The following SHROOM3 variants were observed in gnomAD, a reference collection of about 807,000 sequenced individuals.
SHROOM3 encodes the protein protein Shroom3.
In SHROOM3, 47 loss-of-function variants were observed where a neutral mutation model predicts 138.6. The ratio of observed to expected loss-of-function variants is 0.34; its 90% CI spans 0.27 to 0.43. SHROOM3 has a LOEUF of 0.43. Ranked by LOEUF, SHROOM3 falls within the 20% of genes least tolerant of loss-of-function variation. The pLI, the probability that SHROOM3 is intolerant of heterozygous loss-of-function variation, is 1.00. For missense variants in SHROOM3, 2,491 were observed against 2,596.5 expected (o/e 0.96, Z 0.88); for synonymous variants, 1,062 against 1,063.3 (o/e 1.00, Z 0.02).
chr4:76,558,836 G>A (rs1190320288), intron 2 of SHROOM3, among the ~76,000 whole-genome samples: 4 of 152,174 alleles, frequency 2.6e-5, no homozygotes, highest in Admixed American at 1.3e-4. Context: ...GAATAGTTCT[G>A]TAGGCACCAG....
intron 1 of SHROOM3, among the ~76,000 whole-genome samples, chr4:76,502,057 G>A (rs1267422189): frequency 6.6e-6 from 1 of 152,040 alleles, no homozygotes; most frequent in Non-Finnish European, 1.5e-5. Context: ...TCCATTGATG[G>A]ATTAATGGGT....
chr4:76,580,952 T>G (rs1292351987), intron 2 of SHROOM3, among the ~76,000 whole-genome samples: 1 of 152,214 alleles, frequency 6.6e-6, no homozygotes, highest in African/African-American at 2.4e-5. Context: ...TTTATTATAC[T>G]TTAAGTTTTA....
At chr4:76,613,475 A>G (rs900508698) in intron 2 of SHROOM3, among the ~76,000 whole-genome samples, 1 of 152,234 alleles carries the variant, frequency 6.6e-6, no homozygotes, top group Non-Finnish European at 1.5e-5. Flanking sequence ...AAAGGAGTCA[A>G]GTACCAACAG....
At chr4:76,692,515 A>G (rs1719585252) in intron 2 of SHROOM3, among the ~76,000 whole-genome samples, 1 of 152,204 alleles carries the variant, frequency 6.6e-6, no homozygotes, top group Non-Finnish European at 1.5e-5. Flanking sequence ...ACGCCTAGGT[A>G]TTTACCCAAG....
chr4:76,689,362 C>G (rs1719434414), intron 2 of SHROOM3, among the ~76,000 whole-genome samples: 1 of 103,844 alleles, frequency 9.6e-6, no homozygotes, highest in Non-Finnish European at 2.3e-5. Context: ...GAGCGAGCGC[C>G]GAGCCAGCGC....
At chr4:76,634,498 A>G (rs1173963751) in intron 2 of SHROOM3, among the ~76,000 whole-genome samples, 1 of 152,202 alleles carries the variant, frequency 6.6e-6, no homozygotes, top group African/African-American at 2.4e-5. Flanking sequence ...GTATTGGCCA[A>G]TCAGATCACT....
chr4:76,510,600 G>A (rs1483556802), intron 1 of SHROOM3, among the ~76,000 whole-genome samples: 1 of 152,182 alleles, frequency 6.6e-6, no homozygotes, highest in Non-Finnish European at 1.5e-5. Flanking sequence ...GTTGTCATTG[G>A]TCACCTGGCC....
intron 2 of SHROOM3, among the ~76,000 whole-genome samples, chr4:76,699,604 C>T (rs558721097): frequency 3.3e-5 from 5 of 152,242 alleles, no homozygotes; most frequent in East Asian, 1.9e-4. Context: ...CTTAACCATC[C>T]GTGCTCCCTT....
rs374094014 is a variant in SHROOM3 at position 76,651,401 on chromosome 4, A to T, written c.324-58755A>T. On this transcript the variant is annotated intron_variant, in intron 2 of 10. Coordinates refer to ENST00000296043, the MANE Select transcript of SHROOM3 (RefSeq NM_020859.4). ...ATTAACACATCTCATGTAACCCATA[A>T]ATATATATATATATATATATATATA... Among the ~76,000 whole-genome samples, 436 of 86,600 alleles carry T rather than the reference A, an allele frequency of 5.0e-3. 3 individuals carry two copies. Among genetic ancestry groups the T allele is most frequent in the Non-Finnish European group, 8.4e-3 (345 of 41,064 alleles). The allele number at this position is 86,600 out of a possible 152,430, so 56.8% of individuals were successfully genotyped here. A position where few individuals can be genotyped will look rare whatever the true frequency, so the allele number is the denominator to read the frequency against.
At chr4:76,713,203 T>C (rs1720282086) in intron 3 of SHROOM3, among the ~76,000 whole-genome samples, 1 of 152,252 alleles carries the variant, frequency 6.6e-6, no homozygotes, top group African/African-American at 2.4e-5. Flanking sequence ...ACTGTAACTT[T>C]ATAAACTTTT....
chr4:76,735,393 C>T (rs1721005826), intron 4 of SHROOM3, among the ~76,000 whole-genome samples: 1 of 152,136 alleles, frequency 6.6e-6, no homozygotes, highest in Non-Finnish European at 1.5e-5. Flanking sequence ...GGACAGAACC[C>T]TCTCCGGGCA....
Position 76,741,347 on chromosome 4 carries a change from C to T in SHROOM3, c.3174C>T (p.Arg1058=). The stretch of plus-strand genomic sequence containing the variant: ...CGGAGAGCAGCGTGGCCGACCGGCG[C>T]CGTCTCTTCGAGCGCGATGGCAAGG... ...RFPESSVADR[R]RLFERDGKAC... The change falls in exon 5 of 11, where the codon CGC becomes CGT. Residue 1058 remains arginine (R), a synonymous_variant. Transcript: ENST00000296043. The surrounding 1 kb of genome is among the most constrained non-coding windows in gnomAD (Gnocchi z 6.2). The T allele has an allele frequency of 6.2e-7, 1 of 1,610,066 alleles. No homozygotes were observed.
At position 76,664,805 on chromosome 4, in the gene SHROOM3, C is replaced by T. The variant is rs1718647101; in HGVS notation, c.324-45351C>T. Among the ~76,000 whole-genome samples the T allele has an allele frequency of 6.6e-6, 1 of 152,124 alleles. No homozygotes were observed. Among genetic ancestry groups the T allele is most frequent in the South Asian group, 2.1e-4 (1 of 4,810 alleles). On this transcript the variant is annotated intron_variant, in intron 2 of 10. Coordinates refer to ENST00000296043, the MANE Select transcript of SHROOM3 (RefSeq NM_020859.4). The surrounding 1 kb of genome is among the most constrained non-coding windows in gnomAD (Gnocchi z 4.2). ...CTGCAAAACTGAAACTCTATACACA[C>T]TAAAAACTCCATTTCCCTCTTCCAC...
chr4:76,508,634 T>C (rs1273401586), intron 1 of SHROOM3, among the ~76,000 whole-genome samples: 1 of 152,228 alleles, frequency 6.6e-6, no homozygotes, highest in Admixed American at 6.5e-5. Flanking sequence ...GTAGATCAAA[T>C]TGGGGAATAT....
chr4:76,738,075 C>T lies in SHROOM3; in HGVS notation c.588-686C>T, dbSNP rs117907525. ...TCCACAGGTGTTGGAATCCCAGCAC[C>T]GAAGAGCCCCTGTGATTAAGCCTTC... On this transcript the variant is annotated intron_variant, in intron 4 of 10. Transcript: ENST00000296043. Among the ~76,000 whole-genome samples, 159 of 152,146 alleles carry T rather than the reference C, an allele frequency of 1.0e-3. No homozygotes were observed. In the East Asian group the frequency reaches 0.015, roughly 14 times the overall value.
At chr4:76,723,052 A>G (rs1720595623) in intron 3 of SHROOM3, among the ~76,000 whole-genome samples, 1 of 152,102 alleles carries the variant, frequency 6.6e-6, no homozygotes, top group African/African-American at 2.4e-5. Context: ...ATGTGTCATA[A>G]CAGTTCGTTA....
intron 1 of SHROOM3, among the ~76,000 whole-genome samples, chr4:76,444,484 C>CTTT (rs61655085): frequency 2.7e-3 from 164 of 60,152 alleles, no homozygotes; most frequent in Non-Finnish European, 3.7e-3. Flanking sequence ...CTCTTTCTTT[C>CTTT]TTTTTTTTTT....
intron 1 of SHROOM3, among the ~76,000 whole-genome samples, chr4:76,473,749 T>A (rs1731425749): frequency 6.6e-6 from 1 of 152,044 alleles, no homozygotes; most frequent in Admixed American, 6.6e-5. Context: ...GAAATGCAAA[T>A]CAAAAATACA....
intron 2 of SHROOM3, among the ~76,000 whole-genome samples, chr4:76,694,108 G>C (rs139450227): frequency 2.3e-4 from 35 of 152,280 alleles, no homozygotes; most frequent in Admixed American, 2.3e-3. Context: ...GTTCAACAAA[G>C]CATTTGGGAA....
Sources: gnomAD v4.1 joint callset for allele counts (sites outside exome capture counted in the v4.1 genomes callset) on GRCh38, gnomAD v4.1.1 for gene constraint, Gnocchi (gnomAD v3.1) non-coding constraint, MANE v1.5 for transcripts, NCBI Gene and HGNC (gene_info 2026-07-23, HGNC 2026-07-21) for gene names.